The following PTER variants were observed in gnomAD, a reference collection of about 807,000 sequenced individuals.
The protein encoded by PTER is phosphotriesterase related, also known as N-acetyltaurine hydrolase.
PTER carries 38 observed loss-of-function variants against 29.6 expected under a neutral mutation model. The observed-to-expected ratio is 1.28, with a 90% CI of 0.99 to 1.68. The LOEUF (loss-of-function observed/expected upper bound fraction) is 1.68. Among genes scored for constraint, PTER ranks in the 40% most tolerant of loss-of-function variants. The pLI is 0.00. For missense variants in PTER, 482 were observed against 427.8 expected (o/e 1.13, Z -1.12); for synonymous variants, 172 against 154.5 (o/e 1.11, Z -0.84).
chr10:16,477,416 A>T (rs752027657), intron 1 of PTER, among the ~76,000 whole-genome samples: 57 of 152,012 alleles, frequency 3.7e-4, no homozygotes, highest in Non-Finnish European at 5.3e-4. Context: ...ACCTCAAATG[A>T]TTCACCCACC....
At chr10:16,517,109 C>T (rs1836963535), downstream of PTER, among the ~76,000 whole-genome samples, 2 of 152,150 alleles carry the variant, frequency 1.3e-5, no homozygotes, top group Admixed American at 1.3e-4. Flanking sequence ...GAGGCTGTTT[C>T]CAGATTCCTA....
At chr10:16,441,739 T>A (rs1833857560) in intron 1 of PTER, among the ~76,000 whole-genome samples, 1 of 152,240 alleles carries the variant, frequency 6.6e-6, no homozygotes, top group African/African-American at 2.4e-5. Flanking sequence ...AGATCTTCTA[T>A]TGTCAGCTGG....
intron 1 of PTER, among the ~76,000 whole-genome samples, chr10:16,442,519 C>T (rs376359523): frequency 5.9e-5 from 9 of 152,274 alleles, no homozygotes; most frequent in South Asian, 4.1e-4. Flanking sequence ...GCTGTAATCC[C>T]GGCACTTTGG....
At chr10:16,455,651 A>T (rs1564387879) in intron 1 of PTER, among the ~76,000 whole-genome samples, 1 of 152,204 alleles carries the variant, frequency 6.6e-6, no homozygotes, top group Non-Finnish European at 1.5e-5. Flanking sequence ...CGATCATGCC[A>T]CTGCACTCTA....
chr10:16,477,303 G>GT (rs1835312625), intron 1 of PTER, among the ~76,000 whole-genome samples: 1 of 140,128 alleles, frequency 7.1e-6, no homozygotes, highest in African/African-American at 3.0e-5. Flanking sequence ...TAGATAGATG[G>GT]ATGTCTGTCT....
chr10:16,484,957 A>G, intron 2 of PTER, 141 bp downstream of exon 2: 1 of 860,292 alleles, frequency 1.2e-6, no homozygotes, highest in Non-Finnish European at 1.7e-6. Flanking sequence ...TTGGGGCCCC[A>G]GTTAGTAACA....
At position 16,500,699 on chromosome 10, in the gene PTER, T is replaced by C. The variant is rs1039757844; in HGVS notation, c.699-4321T>C. ...TTTATATTTCATTGCATCTGGAGAA[T>C]TGGGTCCCTACAGTCCCTATTCATC... On this transcript the variant is annotated intron_variant, in intron 3 of 4. Transcript: ENST00000535784. Among the ~76,000 whole-genome samples the C allele has an allele frequency of 4.6e-5, 7 of 152,320 alleles. No individual in the cohort carries two copies. The South Asian group carries it at 1.5e-3, about 32-fold the overall frequency.
chr10:16,508,364 G>A lies in PTER; in HGVS notation c.840-2682G>A, dbSNP rs187536107. Among the ~76,000 whole-genome samples the A allele has an allele frequency of 7.9e-5, 12 of 152,036 alleles. No homozygotes were observed. The East Asian group carries it at 9.7e-4, about 12-fold the overall frequency. ...ATTACATGTGTGAGCCACCGCGCCC[G>A]GCCTCAACACATGTTTTCTAAATCA... On this transcript the variant is annotated intron_variant, in intron 4 of 4. Transcript: ENST00000535784.
intron 3 of PTER, among the ~76,000 whole-genome samples, chr10:16,497,586 G>A (rs1337781903): frequency 6.6e-6 from 1 of 152,152 alleles, no homozygotes; most frequent in African/African-American, 2.4e-5. Context: ...ATATACCTGA[G>A]AGTTATTTGA....
intron 1 of PTER, among the ~76,000 whole-genome samples, chr10:16,464,070 G>A (rs1473357572): frequency 1.3e-5 from 2 of 152,192 alleles, no homozygotes; most frequent in South Asian, 2.1e-4. Context: ...ATTAAAGTGT[G>A]TAGAGGATCT....
intron 1 of PTER, among the ~76,000 whole-genome samples, chr10:16,464,945 C>T (rs893628337): frequency 2.0e-5 from 3 of 152,280 alleles, no homozygotes; most frequent in South Asian, 4.1e-4. Context: ...TCTTACATGG[C>T]AACAGGGAAG....
At chr10:16,507,600 T>C (rs113920782) in intron 4 of PTER, among the ~76,000 whole-genome samples, 117 of 152,348 alleles carry the variant, frequency 7.7e-4, no homozygotes, top group Middle Eastern at 3.4e-3. Context: ...GTATGCCTTC[T>C]GCTGTCTCCA....
In PTER at chr10:16,508,327, T is replaced by C. The variant is rs902959379; in HGVS notation, c.840-2719T>C. ...TCGTGATCCGCCCGCCTCGGCCTCC[T>C]AAAGTGCTGGGATTACATGTGTGAG... On this transcript the variant is annotated intron_variant, in intron 4 of 4. Coordinates refer to ENST00000535784, the MANE Select transcript of PTER (RefSeq NM_001261836.2). 1.8e-4 allele frequency among the ~76,000 whole-genome samples: 27 copies of C among 152,144 alleles called. No homozygotes were observed. The East Asian group carries it at 3.5e-3, about 20-fold the overall frequency.
intron 1 of PTER, among the ~76,000 whole-genome samples, chr10:16,471,113 C>T (rs1169066644): frequency 6.6e-6 from 1 of 152,190 alleles, no homozygotes; most frequent in Non-Finnish European, 1.5e-5. Flanking sequence ...CGGCGATGGA[C>T]TACCTCAAAC....
Position 16,471,779 on chromosome 10 carries a change from T to C in PTER, c.-48-12558T>C, listed in dbSNP as rs1383684698. 2.0e-5 allele frequency among the ~76,000 whole-genome samples: 3 copies of C among 152,264 alleles called. No individual in the cohort carries two copies. The East Asian group carries it at 5.8e-4, about 29-fold the overall frequency. On this transcript the variant is annotated intron_variant, in intron 1 of 4. Transcript: ENST00000535784. ...CATCCTGTTTATATGTAAACATTCC[T>C]ATGTTATAAGACATTTTGTTGCCAT... is the stretch of plus-strand genomic sequence containing the variant.
chr10:16,460,997 A>T (rs1386201823), intron 1 of PTER, among the ~76,000 whole-genome samples: 1 of 152,206 alleles, frequency 6.6e-6, no homozygotes, highest in African/African-American at 2.4e-5. Flanking sequence ...GATTATAGGC[A>T]TGAGCCACCG....
rs150204086 is a variant in PTER at position 16,446,049 on chromosome 10, G to C, written c.-49+9002G>C. Reference sequence around the variant, plus strand: ...CTTCAAGAGTGTTTCTCTTTCTCCTGTGTGCCAGATATTTCGGAGCAGCTC... The same window carrying C: ...CTTCAAGAGTGTTTCTCTTTCTCCTCTGTGCCAGATATTTCGGAGCAGCTC... On this transcript the variant is annotated intron_variant, in intron 1 of 4. Transcript: ENST00000535784. Among the ~76,000 whole-genome samples, 960 of 152,200 alleles carry C rather than the reference G, an allele frequency of 6.3e-3. 9 individuals carry two copies. Among genetic ancestry groups the C allele is most frequent in the South Asian group, 0.047 (226 of 4,816 alleles).
intron 3 of PTER, among the ~76,000 whole-genome samples, chr10:16,498,593 T>G (rs113400609): frequency 0.015 from 2,255 of 151,814 alleles, 49 homozygotes; most frequent in African/African-American, 0.038. Context: ...AAAACTAAAA[T>G]AAAAAACAAC....
chr10:16,482,410 G>C (rs1835514307), intron 1 of PTER, among the ~76,000 whole-genome samples: 2 of 152,132 alleles, frequency 1.3e-5, no homozygotes, highest in South Asian at 2.1e-4. Flanking sequence ...TACGTGAATA[G>C]TTCCTAGAAT....
Sources: allele counts gnomAD v4.1 joint callset (sites outside exome capture counted in the v4.1 genomes callset), GRCh38; gene constraint gnomAD v4.1.1; transcripts MANE v1.5; gene names NCBI Gene and HGNC (gene_info 2026-07-23, HGNC 2026-07-21).